ZGPAT: variants seen among roughly 807,000 people sequenced by gnomAD.
ZGPAT encodes the protein zinc finger CCCH-type and G-patch domain containing.
ZGPAT carries 39 observed loss-of-function variants against 47.9 expected under a neutral mutation model. The ratio of observed to expected loss-of-function variants is 0.81; its 90% CI spans 0.63 to 1.06. The LOEUF (loss-of-function observed/expected upper bound fraction) is 1.06. Ranked by LOEUF, ZGPAT falls within the 50% of genes least tolerant of loss-of-function variation. The pLI is 0.00. For missense variants in ZGPAT, 717 were observed against 681.4 expected (o/e 1.05, Z -0.58); for synonymous variants, 348 against 292.9 (o/e 1.19, Z -1.92).
chr20:63,735,591 A>G lies in ZGPAT; in HGVS notation c.1397+27A>G, dbSNP rs528825116. 7.9e-5 allele frequency: 119 copies of G among 1,510,946 alleles called. 2 individuals carry two copies. In the East Asian group the frequency reaches 2.1e-3, roughly 26 times the overall value. The allele number at this position is 1,510,946 out of a possible 1,614,324, so 93.6% of individuals were successfully genotyped here. ...TACGTGTGGGGCCCAGCTCAGGGCA[A>G]AGGGCGACCCAGGGTGGCCCTGCCC... On this transcript the variant is annotated intron_variant, in intron 6 of 6. Coordinates refer to ENST00000355969, the MANE Select transcript of ZGPAT (RefSeq NM_181485.3).
chr20:63,709,276 G>T, intron 2 of ZGPAT, 112 bp downstream of exon 2: 1 of 1,190,798 alleles, frequency 8.4e-7, no homozygotes, highest in Non-Finnish European at 1.2e-6. Flanking sequence ...AGCTTCCTGG[G>T]GCAGGCGTGC....
At chr20:63,718,958 C>T (rs1487939015) in intron 2 of ZGPAT, among the ~76,000 whole-genome samples, 5 of 151,210 alleles carry the variant, frequency 3.3e-5, no homozygotes, top group South Asian at 2.1e-4. Context: ...CCCAGCTACT[C>T]GGGAAGCTGA....
intron 2 of ZGPAT, among the ~76,000 whole-genome samples, chr20:63,717,692 T>A (rs1487588339): frequency 6.6e-6 from 1 of 152,176 alleles, no homozygotes; most frequent in African/African-American, 2.4e-5. Flanking sequence ...TGCCTCAGCC[T>A]CCCAAGTAGC....
intron 2 of ZGPAT, among the ~76,000 whole-genome samples, chr20:63,711,774 G>T (rs760952459): frequency 4.6e-5 from 7 of 152,092 alleles, no homozygotes; most frequent in African/African-American, 1.7e-4. Context: ...TTTTAGTAGA[G>T]GCAGGGTTTC....
chr20:63,735,983 G>T lies in ZGPAT; in HGVS notation c.*64G>T, dbSNP rs1443931028. 2.6e-6 allele frequency: 4 copies of T among 1,563,282 alleles called. No individual in the cohort carries two copies. The East Asian group carries it at 9.0e-5, about 35-fold the overall frequency. On this transcript the variant is annotated 3_prime_UTR_variant, in exon 7 of 7. Transcript: ENST00000355969. ...GCACGGGCTGCCCTCAGGAAGACCA[G>T]TGTTGCCCGAGGAGGGGCCGGCCTG...
At chr20:63,730,970 C>CTCTCTCTG (rs1237935541) in intron 2 of ZGPAT, among the ~76,000 whole-genome samples, 65 of 115,160 alleles carry the variant, frequency 5.6e-4, no homozygotes, top group East Asian at 4.2e-3. Flanking sequence ...CTCTCTCTCT[C>CTCTCTCTG]TGTGTGTGTG....
At chr20:63,718,203 C>G (rs1223939221) in intron 2 of ZGPAT, among the ~76,000 whole-genome samples, 1 of 151,906 alleles carries the variant, frequency 6.6e-6, no homozygotes, top group Non-Finnish European at 1.5e-5. Flanking sequence ...CTGTTTTGTT[C>G]TGTTGTATTT....
chr20:63,709,290 G>C, intron 2 of ZGPAT, 126 bp downstream of exon 2: 1 of 1,025,850 alleles, frequency 9.7e-7, no homozygotes, highest in South Asian at 1.4e-5. Context: ...GGCGTGCTTT[G>C]ACAGCTGTGT....
intron 2 of ZGPAT, among the ~76,000 whole-genome samples, chr20:63,731,430 C>G (rs953527288): frequency 8.2e-6 from 1 of 122,234 alleles, no homozygotes; most frequent in South Asian, 2.7e-4. Context: ...CATGTGCATA[C>G]GTGTGTAAAG....
At position 63,735,863 on chromosome 20, in the gene ZGPAT, G is replaced by A. The variant is rs145269474; in HGVS notation, c.1480G>A (p.Gly494Ser). The change falls in exon 7 of 7, where the codon GGC becomes AGC. Residue 494 changes from glycine to serine, a missense_variant. Physicochemically the swap from Gly to Ser is moderately conservative, Grantham distance 56 (BLOSUM62 0). Transcript: ENST00000355969. ...GGGGCAGCTCCGGGCTCAGGAAGCCGGCCTGCAGCAGGAGCAGAGGAAGGC... is the reference window on the plus strand; with the variant it reads ...GGGGCAGCTCCGGGCTCAGGAAGCCAGCCTGCAGCAGGAGCAGAGGAAGGC... ...QLGQLRAQEA[G>S]LQQEQRKADT... The A allele has an allele frequency of 1.4e-4, 227 of 1,612,912 alleles. No homozygotes were observed. In the African/African-American group the frequency reaches 2.1e-3, roughly 15 times the overall value.
rs80124219 is a variant in ZGPAT, at chr20:63,729,345, G to A, written c.585-3874G>A. Among the ~76,000 whole-genome samples, 1,216 of 152,222 alleles carry A rather than the reference G, an allele frequency of 8.0e-3. 13 individuals carry two copies. The highest frequency in any genetic ancestry group is 0.027 in the African/African-American group (1,119 of 41,556). ...GCTCCCGGCCCATATTCGATTCAAC[G>A]ACCTCTCTACTTGAGTGTGGCTGGA... On this transcript the variant is annotated intron_variant, in intron 2 of 6. Transcript: ENST00000355969.
At position 63,720,303 on chromosome 20, in the gene ZGPAT, G is replaced by A. The variant is rs141064474; in HGVS notation, c.584+11139G>A. On this transcript the variant is annotated intron_variant, in intron 2 of 6. Coordinates refer to ENST00000355969, the MANE Select transcript of ZGPAT (RefSeq NM_181485.3). ...CCTGAGTAGCTGGGACTATAGGTGC[G>A]TGCCACCACTCCTGGCTAATTTTTT... Among the ~76,000 whole-genome samples the A allele has an allele frequency of 7.8e-3, 1,187 of 151,924 alleles. 22 individuals carry two copies. Among genetic ancestry groups the A allele is most frequent in the African/African-American group, 0.027 (1,126 of 41,424 alleles).
At chr20:63,709,802 C>T (rs191361671) in intron 2 of ZGPAT, among the ~76,000 whole-genome samples, 1 of 151,930 alleles carries the variant, frequency 6.6e-6, no homozygotes, top group African/African-American at 2.4e-5. Context: ...CCTCAGCCCC[C>T]CTAGGAGCTG....
Position 63,732,631 on chromosome 20 carries a change from C to T in ZGPAT, c.585-588C>T, listed in dbSNP as rs547982097. 1.5e-4 allele frequency among the ~76,000 whole-genome samples: 20 copies of T among 132,850 alleles called. No individual in the cohort carries two copies. In the South Asian group the frequency reaches 3.3e-3, roughly 22 times the overall value. The allele number at this position is 132,850 out of a possible 152,430, so 87.2% of individuals were successfully genotyped here. A position where few individuals can be genotyped will look rare whatever the true frequency, so the allele number is the denominator to read the frequency against. On this transcript the variant is annotated intron_variant, in intron 2 of 6. Coordinates refer to ENST00000355969, the MANE Select transcript of ZGPAT (RefSeq NM_181485.3). ...TCAGGGTCTCTGTGTATGTGTATGA[C>T]GTGTGAGTACATGTGTTAATGTGTG...
upstream of ZGPAT, chr20:63,707,934 C>A (rs1461225348): frequency 6.6e-6 from 1 of 152,384 alleles, no homozygotes; most frequent in East Asian, 1.9e-4. Context: ...CCCGCGCTAA[C>A]CCCGCGCGGC....
Position 63,709,063 on chromosome 20 carries a change from C to T in ZGPAT, c.483C>T (p.Gly161=). 3 of 1,613,448 alleles carry T rather than the reference C, an allele frequency of 1.9e-6. No individual in the cohort carries two copies. Among genetic ancestry groups the T allele is most frequent in the South Asian group, 1.1e-5 (1 of 91,082 alleles). The change falls in exon 2 of 7, where the codon GGC becomes GGT. Residue 161 remains glycine, a synonymous_variant. Coordinates refer to ENST00000355969, the MANE Select transcript of ZGPAT (RefSeq NM_181485.3). ...TGGGAACGGAAGAGGCGGAGGATGG[C>T]TCGGCGGGTGTCCGTGTGCTTTACC... ...MVVGTEEAED[G]SAGVRVLYLY...
chr20:63,720,164 CT>C (rs36101324), intron 2 of ZGPAT, among the ~76,000 whole-genome samples: 16 of 147,450 alleles, frequency 1.1e-4, no homozygotes, highest in Admixed American at 1.4e-4. Flanking sequence ...TTTTAATTTT[CT>C]TTTTTTTTTA....
At chr20:63,734,971 C>T (rs1337349212) in intron 5 of ZGPAT, 147 bp downstream of exon 5, 14 of 1,323,374 alleles carry the variant, frequency 1.1e-5, no homozygotes, top group Admixed American at 9.1e-5. Context: ...CTCAGATTCC[C>T]GGGGTCCCGC....
chr20:63,729,067 C>T (rs1455482611), intron 2 of ZGPAT, among the ~76,000 whole-genome samples: 3 of 142,148 alleles, frequency 2.1e-5, no homozygotes, highest in Non-Finnish European at 3.0e-5. Flanking sequence ...AGTCTCACTT[C>T]GTCACCCAGG....
Sources: allele counts gnomAD v4.1 joint callset (sites outside exome capture counted in the v4.1 genomes callset), GRCh38; gene constraint gnomAD v4.1.1; transcripts MANE v1.5; gene names NCBI Gene and HGNC (gene_info 2026-07-23, HGNC 2026-07-21).